The following EML6 variants were observed in gnomAD, a reference collection of about 807,000 sequenced individuals.
EML6 encodes the protein EMAP like 6, also known as echinoderm microtubule-associated protein-like 6.
A neutral mutation model predicts 240.1 loss-of-function variants in EML6; 154 were observed. That is an observed-to-expected ratio of 0.64 (90% CI 0.56 to 0.73). EML6 has a LOEUF of 0.73. Ranked by LOEUF, EML6 falls within the 30% of genes least tolerant of loss-of-function variation. The pLI, the probability that EML6 is intolerant of heterozygous loss-of-function variation, is 0.00. For missense variants in EML6, 2,964 were observed against 2,474.6 expected (o/e 1.20, Z -4.20); for synonymous variants, 1,148 against 899.0 (o/e 1.28, Z -4.95).
At chr2:54,878,273 G>GC (rs1307122043) in intron 16 of EML6, among the ~76,000 whole-genome samples, 1 of 152,142 alleles carries the variant, frequency 6.6e-6, no homozygotes, top group Admixed American at 6.5e-5. Context: ...GAGTGGACTG[G>GC]CAGAACTGGA....
chr2:54,736,287 T>A (rs958236050), intron 2 of EML6, among the ~76,000 whole-genome samples: 6 of 152,226 alleles, frequency 3.9e-5, no homozygotes, highest in African/African-American at 1.4e-4. Context: ...TTTATTAACC[T>A]TTTCTTCTGA....
At chr2:54,811,822 T>G (rs564925132) in intron 2 of EML6, among the ~76,000 whole-genome samples, 3 of 152,226 alleles carry the variant, frequency 2.0e-5, no homozygotes, top group Admixed American at 2.0e-4. Context: ...GGTCCTTTCT[T>G]ATTGATAATC....
intron 10 of EML6, among the ~76,000 whole-genome samples, chr2:54,850,816 A>G (rs1413927075): frequency 1.3e-5 from 2 of 152,232 alleles, no homozygotes; most frequent in Non-Finnish European, 2.9e-5. Context: ...CAGCATGAGG[A>G]GAGTTGAGTT....
chr2:54,753,750 CG>C, intron 2 of EML6, among the ~76,000 whole-genome samples: 1 of 150,870 alleles, frequency 6.6e-6, no homozygotes, highest in East Asian at 2.0e-4. Context: ...ACTGCAGCCT[CG>C]AACTCCAGGC....
chr2:54,818,191 C>T (rs937204606), intron 4 of EML6, among the ~76,000 whole-genome samples: 2 of 151,890 alleles, frequency 1.3e-5, no homozygotes. Context: ...CAGTTTAAAC[C>T]AGTAAAATCT....
intron 2 of EML6, among the ~76,000 whole-genome samples, chr2:54,734,651 G>A (rs953225448): frequency 6.6e-6 from 1 of 152,186 alleles, no homozygotes; most frequent in African/African-American, 2.4e-5. Flanking sequence ...GGCCAAGGTA[G>A]TGGAGGTGGG....
intron 11 of EML6, among the ~76,000 whole-genome samples, chr2:54,857,799 G>A (rs1274118680): frequency 6.6e-6 from 1 of 152,146 alleles, no homozygotes; most frequent in Non-Finnish European, 1.5e-5. Flanking sequence ...AAAATGCCTA[G>A]CATGTTTAGG....
chr2:54,899,869 G>A, intron 22 of EML6, 87 bp downstream of exon 22: 1 of 1,332,456 alleles, frequency 7.5e-7, no homozygotes, highest in South Asian at 1.5e-5. Context: ...TATTTACTGA[G>A]GGCACGTGTT....
chr2:54,884,847 T>A (rs1672035977), intron 17 of EML6, among the ~76,000 whole-genome samples: 2 of 152,252 alleles, frequency 1.3e-5, no homozygotes, highest in Admixed American at 6.5e-5. Context: ...TATATATTAA[T>A]GATTTTGTAT....
In EML6 at chr2:54,875,378, G is replaced by A. The variant is rs992805244; in HGVS notation, c.2344+3773G>A. 3.9e-5 allele frequency among the ~76,000 whole-genome samples: 6 copies of A among 152,276 alleles called. No individual in the cohort carries two copies. In the South Asian group the frequency reaches 6.2e-4, roughly 16 times the overall value. On this transcript the variant is annotated intron_variant, in intron 16 of 41. Transcript: ENST00000356458. ...TTAACGGTGTAAACAGGGCACTGAC[G>A]TGACACTCAACAGTTACGATTTAGC...
Position 54,919,242 on chromosome 2 carries a change from TCC to T in EML6, c.3675+2318_3675+2319del, listed in dbSNP as rs5831329. On this transcript the variant is annotated intron_variant, in intron 26 of 41. Transcript: ENST00000356458. Reference sequence around the variant, plus strand: ...GTTCCTAACTTTCCTCTATTTTGCTTCCCCCCCCCCCCAATCCTTTTCAAAAG... The same window carrying T: ...GTTCCTAACTTTCCTCTATTTTGCTTCCCCCCCCCCAATCCTTTTCAAAAG... Among the ~76,000 whole-genome samples the T allele has an allele frequency of 2.7e-3, 352 of 128,448 alleles. 6 individuals are homozygous for T. Among genetic ancestry groups the T allele is most frequent in the African/African-American group, 7.2e-3 (233 of 32,412 alleles). The allele number at this position is 128,448 out of a possible 152,430, so 84.3% of individuals were successfully genotyped here.
intron 30 of EML6, 149 bp from the exon 31 acceptor site, chr2:54,952,445 C>A: frequency 1.7e-6 from 1 of 572,152 alleles, no homozygotes; most frequent in Admixed American, 3.1e-5. Flanking sequence ...CCCTTCATCT[C>A]CCCAAGTGTG....
intron 26 of EML6, 99 bp from the exon 27 acceptor site, chr2:54,928,214 A>T (rs577836607): frequency 1.7e-4 from 159 of 929,724 alleles, no homozygotes; most frequent in Non-Finnish European, 2.5e-4. Context: ...ATTGCTGTTG[A>T]ACTGTTTCCT....
rs1419728553 is a variant in EML6 at position 54,968,674 on chromosome 2, C to T, written c.5758C>T (p.His1920Tyr). The T allele has an allele frequency of 1.3e-6, 2 of 1,548,886 alleles. No homozygotes were observed. The highest frequency in any genetic ancestry group is 1.7e-6 in the Non-Finnish European group (2 of 1,144,514). ...CATTCACTTTTGCTCACAGGCCAAA[C>T]ATAAGCGATACTTCGGTCACTCGGC... ...DFPCTEKFAK[H>Y]KRYFGHSAHV... The change falls in exon 41 of 42, where the codon CAT becomes TAT. Residue 1920 changes from histidine (H) to tyrosine (Y), a missense_variant. Coordinates refer to ENST00000356458, the MANE Select transcript of EML6 (RefSeq NM_001039753.4).
intron 2 of EML6, among the ~76,000 whole-genome samples, chr2:54,744,135 G>T (rs1393546168): frequency 6.7e-6 from 1 of 149,656 alleles, no homozygotes; most frequent in Admixed American, 6.7e-5. Context: ...AGTTGTGGGG[G>T]GTGGGGGGAA....
At chr2:54,940,605 A>G (rs1215045641) in intron 28 of EML6, among the ~76,000 whole-genome samples, 1 of 152,222 alleles carries the variant, frequency 6.6e-6, no homozygotes, top group African/African-American at 2.4e-5. Context: ...AGATGAATGG[A>G]CCAATTTACT....
At chr2:54,906,996 G>A (rs1459711107) in intron 24 of EML6, among the ~76,000 whole-genome samples, 3 of 152,194 alleles carry the variant, frequency 2.0e-5, no homozygotes, top group African/African-American at 7.2e-5. Context: ...ACAGCCGCCA[G>A]CCTCAGCAGC....
chr2:54,804,558 C>T (rs1055761920), intron 2 of EML6, among the ~76,000 whole-genome samples: 6 of 152,234 alleles, frequency 3.9e-5, no homozygotes, highest in African/African-American at 1.2e-4. Context: ...GACAACCCTG[C>T]CCACTTCCTG....
chr2:54,847,708 C>G (rs1669842160), intron 9 of EML6, 85 bp downstream of exon 9: 2 of 1,424,554 alleles, frequency 1.4e-6, no homozygotes, highest in East Asian at 5.0e-5. Flanking sequence ...ATGCTAGGAC[C>G]TTAGGAAAAA....
Sources: allele counts gnomAD v4.1 joint callset (sites outside exome capture counted in the v4.1 genomes callset), GRCh38; gene constraint gnomAD v4.1.1; transcripts MANE v1.5; gene names NCBI Gene and HGNC (gene_info 2026-07-23, HGNC 2026-07-21).